The following MTRR variants were observed in gnomAD, a reference collection of about 807,000 sequenced individuals.
MTRR encodes the protein methionine synthase reductase.
A neutral mutation model predicts 79.2 loss-of-function variants in MTRR; 63 were observed. The observed-to-expected ratio is 0.80, with a 90% CI of 0.65 to 0.98. MTRR has a LOEUF of 0.98. Ranked by LOEUF, MTRR falls within the 50% of genes least tolerant of loss-of-function variation. The probability of loss-of-function intolerance (pLI) is 0.00; values close to 1 mark genes in which losing one functional copy is unlikely to be tolerated. For missense variants in MTRR, 895 were observed against 839.6 expected, an observed-to-expected ratio of 1.07 and a Z score of -0.82; for synonymous variants, 355 against 313.3, an observed-to-expected ratio of 1.13 and a Z score of -1.41.
chr5:7,890,450 C>T (rs1561253231), intron 9 of MTRR: 10 of 976,842 alleles, frequency 1.0e-5, no homozygotes, highest in African/African-American at 3.5e-5. Flanking sequence ...GTTCTCTTAT[C>T]GCATACTAAT....
chr5:7,868,634 G>T (rs1747251994), upstream of MTRR, among the ~76,000 whole-genome samples: 1 of 152,204 alleles, frequency 6.6e-6, no homozygotes, highest in Non-Finnish European at 1.5e-5. Context: ...GGTGTCGGGA[G>T]AAGGTTAGTG....
At chr5:7,886,486 T>G in intron 7 of MTRR, 129 bp from the exon 8 acceptor site, 1 of 754,492 alleles carries the variant, frequency 1.3e-6, no homozygotes, top group Non-Finnish European at 2.3e-6. Flanking sequence ...TGAATAAACA[T>G]TGCCACAAGT....
chr5:7,850,887 G>T, upstream of MTRR: 1 of 1,336,510 alleles, frequency 7.5e-7, no homozygotes, highest in Non-Finnish European at 9.6e-7. Context: ...GCGCCGGGCG[G>T]TAGTAGTAGC....
chr5:7,868,963 C>A (rs1212521686), upstream of MTRR: 1 of 767,706 alleles, frequency 1.3e-6, no homozygotes, highest in Non-Finnish European at 2.3e-6. Flanking sequence ...CGCGGAGACC[C>A]CGCGTTGACA....
intron 8 of MTRR, among the ~76,000 whole-genome samples, chr5:7,887,570 A>ATG (rs1370323356): frequency 4.1e-5 from 6 of 147,642 alleles, no homozygotes; most frequent in Non-Finnish European, 6.0e-5. Context: ...ATAGATTTAT[A>ATG]TATATATATA....
At chr5:7,898,575 A>G (rs1225311558) in intron 14 of MTRR, among the ~76,000 whole-genome samples, 1 of 152,202 alleles carries the variant, frequency 6.6e-6, no homozygotes, top group Non-Finnish European at 1.5e-5. Flanking sequence ...CCACTGAAGA[A>G]GCAAAATTGT....
At chr5:7,851,040 C>T (rs752975554), upstream of MTRR, 2 of 1,240,336 alleles carry the variant, frequency 1.6e-6, no homozygotes, top group Non-Finnish European at 2.0e-6. Flanking sequence ...CGTCCAGCGC[C>T]CCCGCCTTGG....
upstream of MTRR, chr5:7,850,873 AC>A: frequency 7.6e-7 from 1 of 1,321,850 alleles, no homozygotes; most frequent in South Asian, 2.9e-5. Context: ...CGCGGTCCTC[AC>A]CCGCGCCGGG....
intron 14 of MTRR, among the ~76,000 whole-genome samples, chr5:7,899,624 C>T (rs1739149864): frequency 6.6e-6 from 1 of 152,164 alleles, no homozygotes; most frequent in Non-Finnish European, 1.5e-5. Flanking sequence ...GGCAGGACCT[C>T]AGATGCTTCT....
chr5:7,859,737 A>G (rs951376221), intron 1 of MTRR, among the ~76,000 whole-genome samples: 2 of 152,358 alleles, frequency 1.3e-5, no homozygotes, highest in Admixed American at 6.5e-5. Context: ...GGGGCTTGGT[A>G]AATATTTGAT....
chr5:7,867,393 A>C (rs1372574499), upstream of MTRR: 4 of 1,614,206 alleles, frequency 2.5e-6, no homozygotes, highest in Non-Finnish European at 1.7e-6. Context: ...ACACAACCTG[A>C]ACTGTGCAGT....
At chr5:7,860,760 A>T (rs958619397) in intron 1 of MTRR, among the ~76,000 whole-genome samples, 2 of 152,224 alleles carry the variant, frequency 1.3e-5, no homozygotes, top group African/African-American at 2.4e-5. Flanking sequence ...TAAAGTGCAA[A>T]TGTTAAGCAA....
intron 6 of MTRR, among the ~76,000 whole-genome samples, chr5:7,884,400 T>C (rs1178230501): frequency 6.6e-6 from 1 of 152,230 alleles, no homozygotes; most frequent in Admixed American, 6.5e-5. Flanking sequence ...ATATAATCTA[T>C]GCACATCCTC....
upstream of MTRR, chr5:7,868,841 G>A (rs535636116): frequency 3.2e-5 from 17 of 526,530 alleles, no homozygotes; most frequent in South Asian, 3.1e-4. Context: ...GGGACCCGCG[G>A]GGCGAGCACC....
At chr5:7,863,030 A>C (rs1746667990) in intron 2 of MTRR, 1 of 1,560,770 alleles carries the variant, frequency 6.4e-7, no homozygotes, top group African/African-American at 1.4e-5. Context: ...GTGAGAAAGA[A>C]AAATAAGATA....
chr5:7,896,740 T>A, intron 12 of MTRR, 124 bp from the exon 13 acceptor site: 2 of 793,410 alleles, frequency 2.5e-6, no homozygotes, highest in Non-Finnish European at 4.3e-6. Flanking sequence ...AATGACTGAA[T>A]GTTCAAATGC....
Position 7,859,771 on chromosome 5 carries a change from A to G in MTRR, n.392-2180A>G, listed in dbSNP as rs561552068. On this transcript the variant is annotated intron_variant and non_coding_transcript_variant, in intron 1 of 3. Coordinates refer to the MTRR transcript ENST00000502509. The stretch of plus-strand genomic sequence containing the variant: ...ATGAATTAATATGTAGAATATGCAA[A>G]TAAGAATTAAACATGATCTCTTGTT... Among the ~76,000 whole-genome samples, 9 of 152,378 alleles carry G rather than the reference A, an allele frequency of 5.9e-5. No individual in the cohort carries two copies. The South Asian group carries it at 1.9e-3, about 32-fold the overall frequency.
intron 1 of MTRR, chr5:7,856,990 C>T (rs1209561183): frequency 6.6e-6 from 1 of 152,150 alleles, no homozygotes. Context: ...ACAACACACA[C>T]TCAGAGAGGA....
Position 7,873,101 on chromosome 5 carries a change from C to T in MTRR, c.130-272C>T, listed in dbSNP as rs114713553. ...ACTGTCTGTGCCTGTCCCTGCCTTT[C>T]GTACACAACATGAAGAGAAAGACGT... On this transcript the variant is annotated intron_variant, in intron 2 of 14. Coordinates refer to ENST00000440940, the MANE Select transcript of MTRR (RefSeq NM_002454.3). 0.015 allele frequency among the ~76,000 whole-genome samples: 2,254 copies of T among 152,238 alleles called. 29 individuals are homozygous for T. Among genetic ancestry groups the T allele is most frequent in the Non-Finnish European group, 0.024 (1,628 of 68,000 alleles).
Sources: gnomAD v4.1 joint callset for allele counts (sites outside exome capture counted in the v4.1 genomes callset) on GRCh38, gnomAD v4.1.1 for gene constraint, MANE v1.5 for transcripts, NCBI Gene and HGNC (gene_info 2026-07-23, HGNC 2026-07-21) for gene names.